Variants in IMMP2L observed in about 807,000 individuals in gnomAD.
IMMP2L encodes the protein inner mitochondrial membrane peptidase subunit 2.
IMMP2L carries 18 observed loss-of-function variants against 19.3 expected under a neutral mutation model. That is an observed-to-expected ratio of 0.93 (90% CI 0.64 to 1.38). The LOEUF is 1.38. IMMP2L is among the 40% of genes most tolerant of loss of function. IMMP2L has a pLI of 0.00. For synonymous variants in IMMP2L, 76 were observed against 73.0 expected, an observed-to-expected ratio of 1.04 and a Z score of -0.21; for missense variants, 233 against 218.2, an observed-to-expected ratio of 1.07 and a Z score of -0.43.
intron 5 of IMMP2L, among the ~76,000 whole-genome samples, chr7:110,789,209 G>A (rs993551499): frequency 6.6e-6 from 1 of 151,756 alleles, no homozygotes; most frequent in African/African-American, 2.4e-5. Context: ...TTTAGATATT[G>A]TCGAATAGAG....
intron 4 of IMMP2L, among the ~76,000 whole-genome samples, chr7:110,933,603 G>C (rs948082806): frequency 6.6e-6 from 1 of 152,130 alleles, no homozygotes; most frequent in South Asian, 2.1e-4. Flanking sequence ...TGCTTTATGC[G>C]TTTCATCATT....
At chr7:110,879,967 T>A (rs917919446) in intron 5 of IMMP2L, among the ~76,000 whole-genome samples, 2 of 152,126 alleles carry the variant, frequency 1.3e-5, no homozygotes, top group Non-Finnish European at 2.9e-5. Flanking sequence ...AGAAAAATCA[T>A]TAGTGACAGA....
At chr7:110,830,399 AAAAC>A (rs1803867390) in intron 5 of IMMP2L, among the ~76,000 whole-genome samples, 1 of 152,144 alleles carries the variant, frequency 6.6e-6, no homozygotes, top group Admixed American at 6.6e-5. Flanking sequence ...TTTCTAAAAA[AAAAC>A]AGTCTATAAG....
intron 5 of IMMP2L, among the ~76,000 whole-genome samples, chr7:110,809,680 T>C (rs1050686788): frequency 2.0e-5 from 3 of 151,942 alleles, no homozygotes; most frequent in African/African-American, 7.2e-5. Flanking sequence ...TCCTAGAAAA[T>C]AGTGTTAAAA....
intron 3 of IMMP2L, among the ~76,000 whole-genome samples, chr7:111,089,473 C>A (rs543998272): frequency 2.1e-4 from 32 of 152,074 alleles, no homozygotes; most frequent in African/African-American, 7.2e-4. Flanking sequence ...ATAAATCCTG[C>A]AGATACTGAA....
At chr7:110,726,986 G>T (rs937079434) in intron 5 of IMMP2L, among the ~76,000 whole-genome samples, 1 of 152,200 alleles carries the variant, frequency 6.6e-6, no homozygotes, top group Non-Finnish European at 1.5e-5. Context: ...AAAAACACAG[G>T]AGGGACCATT....
chr7:110,849,273 A>G (rs1160849111), intron 5 of IMMP2L, among the ~76,000 whole-genome samples: 1 of 152,156 alleles, frequency 6.6e-6, no homozygotes, highest in Non-Finnish European at 1.5e-5. Context: ...AACTCAGTGT[A>G]CATATCTATC....
At chr7:111,389,076 G>A (rs1310798530) in intron 3 of IMMP2L, among the ~76,000 whole-genome samples, 3 of 152,020 alleles carry the variant, frequency 2.0e-5, no homozygotes, top group Admixed American at 2.0e-4. Flanking sequence ...CCAGGGCTGG[G>A]GCAAGAAAAG....
chr7:111,120,387 T>A (rs562044617), intron 3 of IMMP2L, among the ~76,000 whole-genome samples: 6 of 152,078 alleles, frequency 3.9e-5, no homozygotes, highest in African/African-American at 1.4e-4. Context: ...GCAAAAGACA[T>A]TTCCCCTATA....
chr7:110,878,077 T>G (rs558117967), intron 5 of IMMP2L, among the ~76,000 whole-genome samples: 2 of 152,154 alleles, frequency 1.3e-5, no homozygotes, highest in Non-Finnish European at 2.9e-5. Context: ...CACAGATTCT[T>G]GTACACTCAG....
At chr7:111,075,383 C>A (rs1795313908) in intron 3 of IMMP2L, among the ~76,000 whole-genome samples, 1 of 152,114 alleles carries the variant, frequency 6.6e-6, no homozygotes, top group Admixed American at 6.5e-5. Flanking sequence ...CCGCCTTGGC[C>A]TCCCAAAGTA....
intron 1 of IMMP2L, among the ~76,000 whole-genome samples, chr7:111,545,618 T>G (rs370473928): frequency 6.6e-6 from 1 of 152,226 alleles, no homozygotes; most frequent in African/African-American, 2.4e-5. Flanking sequence ...ACTCCTGAAC[T>G]CAGGTGATCC....
intron 3 of IMMP2L, among the ~76,000 whole-genome samples, chr7:111,413,395 A>G (rs1834622848): frequency 7.6e-6 from 1 of 131,084 alleles, no homozygotes; most frequent in South Asian, 2.1e-4. Flanking sequence ...TAGAGATTAC[A>G]AAAAAAAAAT....
intron 1 of IMMP2L, among the ~76,000 whole-genome samples, chr7:111,546,013 T>C (rs1372471978): frequency 3.3e-5 from 5 of 152,108 alleles, no homozygotes. Context: ...CCTTTTTGAT[T>C]TACTACATCC....
chr7:110,668,633 C>A (rs1449984780), intron 5 of IMMP2L, among the ~76,000 whole-genome samples: 3 of 152,006 alleles, frequency 2.0e-5, no homozygotes, highest in Non-Finnish European at 4.4e-5. Flanking sequence ...TCTTAGAATT[C>A]TTTTATTTTA....
At chr7:110,733,358 A>C (rs1005127143) in intron 5 of IMMP2L, among the ~76,000 whole-genome samples, 1 of 152,164 alleles carries the variant, frequency 6.6e-6, no homozygotes, top group African/African-American at 2.4e-5. Context: ...TCTCCCTGTC[A>C]AGGGAACCTC....
chr7:111,359,816 T>C (rs1395909328), intron 3 of IMMP2L, among the ~76,000 whole-genome samples: 1 of 152,026 alleles, frequency 6.6e-6, no homozygotes, highest in Non-Finnish European at 1.5e-5. Context: ...ATTGAATGAA[T>C]GTTAAAGAAG....
intron 5 of IMMP2L, among the ~76,000 whole-genome samples, chr7:110,853,648 T>A (rs1466257690): frequency 1.3e-5 from 2 of 152,064 alleles, no homozygotes; most frequent in Non-Finnish European, 2.9e-5. Context: ...TTGTTATTAT[T>A]TTGAAACTTG....
intron 3 of IMMP2L, among the ~76,000 whole-genome samples, chr7:111,194,609 A>G (rs1314400163): frequency 6.6e-6 from 1 of 152,182 alleles, no homozygotes; most frequent in African/African-American, 2.4e-5. Context: ...CAAGTACTCA[A>G]TAGATGTTGT....
Sources: allele counts gnomAD v4.1 joint callset (sites outside exome capture counted in the v4.1 genomes callset), GRCh38; gene constraint gnomAD v4.1.1; transcripts MANE v1.5; gene names NCBI Gene and HGNC (gene_info 2026-07-23, HGNC 2026-07-21).